Variants in P2RY8 observed in about 807,000 individuals in gnomAD.
The protein encoded by P2RY8 is P2Y receptor family member 8.
P2RY8 carries 6 observed loss-of-function variants against 10.0 expected under a neutral mutation model. The ratio of observed to expected loss-of-function variants is 0.60; its 90% confidence interval spans 0.33 to 1.19. The LOEUF (loss-of-function observed/expected upper bound fraction) is 1.19. Among genes scored for constraint, P2RY8 ranks in the 50% most tolerant of loss-of-function variants. The probability of loss-of-function intolerance (pLI) is 0.04; values close to 1 mark genes in which losing one functional copy is unlikely to be tolerated. For synonymous variants in P2RY8, 276 were observed against 252.5 expected (o/e 1.09, Z -0.88); for missense variants, 456 against 542.0 (o/e 0.84, Z 1.58).
Position 1,465,189 on chromosome X carries a change from C to G in P2RY8, c.*290G>C. ...AATTAGCCGGGCGTGGTGACACAAGCTGTCCCCTGACACAGAGAGGCAGAG... is the reference window on the plus strand; with the variant it reads ...AATTAGCCGGGCGTGGTGACACAAGGTGTCCCCTGACACAGAGAGGCAGAG... On this transcript the variant is annotated 3_prime_UTR_variant, in exon 2 of 2. Transcript: ENST00000381297. The G allele has an allele frequency of 2.0e-6, 1 of 494,400 alleles. No homozygotes were observed. Among genetic ancestry groups the G allele is most frequent in the East Asian group, 3.2e-5 (1 of 30,998 alleles). 30.6% of individuals were successfully genotyped at this position (494,400 alleles called of 1,614,324 possible).
rs1320486411 is a variant in P2RY8, at chrX:1,523,115, A to AAATAAATAAAT, written c.-25+13805_-25+13806insATTTATTTATT. ...TAAATAAATAAATAAATAAATAAAT[A>AAATAAATAAAT]AATAAAACAAAAATTGAAAAAAATA... On this transcript the variant is annotated intron_variant, in intron 1 of 1. Coordinates refer to ENST00000381297, the MANE Select transcript of P2RY8 (RefSeq NM_178129.5). Among the ~76,000 whole-genome samples, 574 of 150,990 alleles carry AAATAAATAAAT rather than the reference A, an allele frequency of 3.8e-3. 2 individuals carry two copies. Among genetic ancestry groups the AAATAAATAAAT allele is most frequent in the African/African-American group, 0.013 (540 of 41,022 alleles).
At chrX:1,509,002 TCATCCATCCATCCATC>T (rs776849927) in intron 1 of P2RY8, among the ~76,000 whole-genome samples, 1 of 116,506 alleles carries the variant, frequency 8.6e-6, no homozygotes, top group South Asian at 2.8e-4. Flanking sequence ...CTGTATGTGT[TCATCCATCCATCCATC>T]CATCCATCCA....
intron 1 of P2RY8, among the ~76,000 whole-genome samples, chrX:1,488,226 C>T (rs1166467448): frequency 5.9e-5 from 9 of 152,266 alleles, no homozygotes; most frequent in East Asian, 1.9e-4. Flanking sequence ...AGAGGCAGAA[C>T]GAGCTGAGGA....
chrX:1,479,724 A>C (rs1347152303), intron 1 of P2RY8, among the ~76,000 whole-genome samples: 2 of 152,228 alleles, frequency 1.3e-5, no homozygotes, highest in African/African-American at 4.8e-5. Context: ...TGAAATAACA[A>C]TCAATGAGAG....
intron 1 of P2RY8, among the ~76,000 whole-genome samples, chrX:1,496,493 C>T (rs1447863033): frequency 6.6e-6 from 1 of 152,016 alleles, no homozygotes; most frequent in African/African-American, 2.4e-5. Flanking sequence ...CCGCTCAGTT[C>T]ACAGGAAGCA....
intron 1 of P2RY8, among the ~76,000 whole-genome samples, chrX:1,519,622 T>A (rs2092376600): frequency 6.6e-6 from 1 of 151,528 alleles, no homozygotes; most frequent in African/African-American, 2.4e-5. Flanking sequence ...TCTTCTTGGC[T>A]CCCAATCACC....
intron 1 of P2RY8, among the ~76,000 whole-genome samples, chrX:1,513,314 A>G (rs1309972244): frequency 1.3e-5 from 2 of 151,832 alleles, no homozygotes; most frequent in African/African-American, 4.8e-5. Context: ...TATTGTAAAT[A>G]GTGCTGCAAT....
chrX:1,509,217 AT>A (rs2092271037), intron 1 of P2RY8, among the ~76,000 whole-genome samples: 1 of 146,098 alleles, frequency 6.8e-6, no homozygotes, highest in Admixed American at 6.8e-5. Flanking sequence ...CTATCTAGCC[AT>A]CCATCTATTT....
intron 1 of P2RY8, among the ~76,000 whole-genome samples, chrX:1,509,781 C>CTTTCTATT (rs1204139625): frequency 1.0e-5 from 1 of 96,152 alleles, no homozygotes; most frequent in Non-Finnish European, 2.1e-5. Flanking sequence ...ATCTATCTAT[C>CTTTCTATT]ATCTATGTAT....
rs1397252446 is a variant in P2RY8, at chrX:1,465,483, A to G, written c.1076T>C (p.Phe359Ser). The G allele has an allele frequency of 6.2e-7, 1 of 1,603,702 alleles. No individual in the cohort carries two copies. Among genetic ancestry groups the G allele is most frequent in the Non-Finnish European group, 8.5e-7 (1 of 1,175,276 alleles). ...RPGLQRQESV[F>S] is the part of the protein sequence containing the mutation. The stretch of plus-strand genomic sequence containing the variant: ...TCCAAGCTGCGCCCCCGGGACTCAG[A>G]ACACACTCTCCTGCCTCTGGAGGCC... The change falls in exon 2 of 2, where the codon TTC (phenylalanine) becomes TCC (serine). Residue 359 changes from phenylalanine (F) to serine (S), a missense_variant. Physicochemically the swap from Phe to Ser is radical, Grantham distance 155. Coordinates refer to ENST00000381297, the MANE Select transcript of P2RY8 (RefSeq NM_178129.5).
chrX:1,524,549 CCATGCATGCA>C (rs2092419635), intron 1 of P2RY8, among the ~76,000 whole-genome samples: 1 of 92,980 alleles, frequency 1.1e-5, no homozygotes, highest in Non-Finnish European at 2.4e-5. Context: ...ATCCATCCAT[CCATGCATGCA>C]TCCATCCATC....
chrX:1,488,733 GGTGTGTGTGT>G (rs771296428), intron 1 of P2RY8, among the ~76,000 whole-genome samples: 1 of 147,530 alleles, frequency 6.8e-6, no homozygotes. Context: ...GTAAATGCAG[GGTGTGTGTGT>G]GTGTGTGTGT....
chrX:1,476,448 G>A (rs774492942), intron 1 of P2RY8, among the ~76,000 whole-genome samples: 77 of 151,862 alleles, frequency 5.1e-4, no homozygotes, highest in African/African-American at 1.7e-3. Context: ...TTAGCCGGGC[G>A]TGGTGGCGGG....
At chrX:1,509,592 CTA>C in intron 1 of P2RY8, among the ~76,000 whole-genome samples, 1 of 129,216 alleles carries the variant, frequency 7.7e-6, no homozygotes, top group Non-Finnish European at 1.6e-5. Flanking sequence ...TTCATTGTAT[CTA>C]TCATGTATCT....
chrX:1,517,760 T>C (rs1471149068), intron 1 of P2RY8, among the ~76,000 whole-genome samples: 1 of 152,112 alleles, frequency 6.6e-6, no homozygotes, highest in East Asian at 1.9e-4. Context: ...GTCTCTGGTT[T>C]CCAGTAATAT....
chrX:1,514,748 T>C (rs868242371), intron 1 of P2RY8, among the ~76,000 whole-genome samples: 4 of 19,658 alleles, frequency 2.0e-4, no homozygotes, highest in African/African-American at 3.0e-4. Flanking sequence ...TTCCTTCCCT[T>C]CCTTCCCTTC....
chrX:1,535,716 GAC>G (rs770470429), intron 1 of P2RY8, among the ~76,000 whole-genome samples: 2 of 146,202 alleles, frequency 1.4e-5, no homozygotes, highest in Admixed American at 6.8e-5. Context: ...CACACACACA[GAC>G]ACACACACAG....
At position 1,524,924 on chromosome X, in the gene P2RY8, C is replaced by CCAT. The variant is rs1395356249; in HGVS notation, c.-25+11996_-25+11997insATG. 1.6e-3 allele frequency among the ~76,000 whole-genome samples: 169 copies of CCAT among 102,766 alleles called. 1 individual carries two copies. The highest frequency in any genetic ancestry group is 7.4e-3 in the South Asian group (22 of 2,980). The allele number at this position is 102,766 out of a possible 152,430, so 67.4% of individuals were successfully genotyped here. On this transcript the variant is annotated intron_variant, in intron 1 of 1. Coordinates refer to ENST00000381297, the MANE Select transcript of P2RY8 (RefSeq NM_178129.5). ...ATCCATCCATCCATCCATCCATCCA[C>CCAT]CCACCCATCCATCCACTCATTCATT...
chrX:1,476,629 T>C (rs1463597078), intron 1 of P2RY8, among the ~76,000 whole-genome samples: 8 of 151,460 alleles, frequency 5.3e-5, no homozygotes, highest in African/African-American at 1.5e-4. Flanking sequence ...CATATAGATG[T>C]TTGAGAGGTA....
Sources: gnomAD v4.1 joint callset for allele counts (sites outside exome capture counted in the v4.1 genomes callset) on GRCh38, gnomAD v4.1.1 for gene constraint, MANE v1.5 for transcripts, NCBI Gene and HGNC (gene_info 2026-07-23, HGNC 2026-07-21) for gene names.